ANKRD17: variants seen among roughly 807,000 people sequenced by gnomAD.
ANKRD17 encodes the protein ankyrin repeat domain-containing protein 17.
In ANKRD17, 19 loss-of-function variants were observed where a neutral mutation model predicts 229.7. That is an observed-to-expected ratio of 0.08 (90% CI 0.06 to 0.12). The LOEUF (loss-of-function observed/expected upper bound fraction) is 0.12. Among genes scored for constraint, ANKRD17 ranks in the 10% least tolerant of loss-of-function variants. The probability of loss-of-function intolerance (pLI) is 1.00; values close to 1 mark genes in which losing one functional copy is unlikely to be tolerated. For missense variants in ANKRD17, 2,176 were observed against 3,176.8 expected, an observed-to-expected ratio of 0.68 and a Z score of 7.57; for synonymous variants, 1,112 against 1,146.1, an observed-to-expected ratio of 0.97 and a Z score of 0.60.
At chr4:73,141,870 T>A (rs1438351238) in intron 13 of ANKRD17, 27 bp from the exon 14 acceptor site, 1 of 1,563,070 alleles carries the variant, frequency 6.4e-7, no homozygotes, top group East Asian at 2.2e-5. Context: ...TAAGTGACTA[T>A]TAGTGTCCTA....
intron 24 of ANKRD17, chr4:73,103,862 G>C (rs1724296761): frequency 6.6e-6 from 1 of 150,848 alleles, no homozygotes; most frequent in African/African-American, 2.4e-5. Flanking sequence ...TTAGCAGCTG[G>C]GGGTTGTATA....
At position 73,146,954 on chromosome 4, in the gene ANKRD17, A is replaced by T. The variant is rs540266841; in HGVS notation, c.1760-81T>A. The T allele has an allele frequency of 4.4e-4, 507 of 1,156,278 alleles. 5 individuals carry two copies. In the South Asian group the frequency reaches 7.5e-3, roughly 17 times the overall value. 71.6% of individuals were successfully genotyped at this position (1,156,278 alleles called of 1,614,324 possible). A position where few individuals can be genotyped will look rare whatever the true frequency, so the allele number is the denominator to read the frequency against. ...TGACGAAAATAAAAACTTCTTCTAG[A>T]TAAGTCATACCTCCTCAAGTTAAAC... On this transcript the variant is annotated intron_variant, in intron 9 of 33. Transcript: ENST00000358602.
Position 73,178,434 on chromosome 4 carries a change from A to C in ANKRD17, c.394-901T>G, listed in dbSNP as rs556113744. ...TCAAAAGGGGAGTTTTCATAAAATG[A>C]ATAATTTTATCGCTTCATCAAGAAT... On this transcript the variant is annotated intron_variant, in intron 1 of 33. Coordinates refer to ENST00000358602, the MANE Select transcript of ANKRD17 (RefSeq NM_032217.5). 4.6e-5 allele frequency among the ~76,000 whole-genome samples: 7 copies of C among 152,294 alleles called. No individual in the cohort carries two copies. The East Asian group carries it at 1.2e-3, about 25-fold the overall frequency.
chr4:73,236,486 T>C (rs1743523269), intron 1 of ANKRD17, among the ~76,000 whole-genome samples: 1 of 152,172 alleles, frequency 6.6e-6, no homozygotes, highest in African/African-American at 2.4e-5. Flanking sequence ...TCATATTGTA[T>C]GGTTCACACC....
chr4:73,093,513 G>A (rs755779929), intron 28 of ANKRD17, among the ~76,000 whole-genome samples: 1 of 151,522 alleles, frequency 6.6e-6, no homozygotes, highest in Non-Finnish European at 1.5e-5. Context: ...GAGTAGCTGA[G>A]ATTACAAGCA....
intron 2 of ANKRD17, among the ~76,000 whole-genome samples, chr4:73,176,230 C>T (rs768599824): frequency 4.8e-4 from 73 of 151,954 alleles, no homozygotes; most frequent in African/African-American, 1.0e-3. Context: ...ATCAGAAAAA[C>T]GCAAATCAAA....
intron 3 of ANKRD17, among the ~76,000 whole-genome samples, chr4:73,159,152 T>G (rs191690414): frequency 2.6e-4 from 39 of 152,350 alleles, no homozygotes; most frequent in Admixed American, 2.0e-3. Context: ...CTAAATAAAT[T>G]TGTCTTTTAA....
chr4:73,103,025 A>C (rs924283238), intron 24 of ANKRD17, among the ~76,000 whole-genome samples: 1 of 152,128 alleles, frequency 6.6e-6, no homozygotes, highest in Non-Finnish European at 1.5e-5. Flanking sequence ...GTCTATCTCT[A>C]GTGAAAAAAC....
chr4:73,091,634 A>G lies in ANKRD17; in HGVS notation c.5994T>C (p.Leu1998=). 6.2e-7 allele frequency: 1 copy of G among 1,614,220 alleles called. No homozygotes were observed. The highest frequency in any genetic ancestry group is 1.1e-5 in the South Asian group (1 of 91,076). Residue 1998 remains leucine (L), a synonymous_variant, in exon 29 of 34, where the codon CTT becomes CTC. Coordinates refer to ENST00000358602, the MANE Select transcript of ANKRD17 (RefSeq NM_032217.5). ...TGGATGTCTTCACAACTGTGACAAA[A>G]AGCTGCCTTCGGACAGAAGGTGAAC... ...SPSSPSVRRQ[L]FVTVVKTSNA...
intron 24 of ANKRD17, among the ~76,000 whole-genome samples, chr4:73,107,598 G>C (rs1724800015): frequency 6.6e-6 from 1 of 152,186 alleles, no homozygotes; most frequent in African/African-American, 2.4e-5. Context: ...AGGGTAATCA[G>C]TGTACCCCTC....
chr4:73,078,930 A>T (rs753417096), intron 30 of ANKRD17, 40 bp from the exon 31 acceptor site: 2 of 1,554,398 alleles, frequency 1.3e-6, no homozygotes, highest in Non-Finnish European at 1.7e-6. Context: ...CAGGTCATCT[A>T]TAGAACATGT....
intron 30 of ANKRD17, among the ~76,000 whole-genome samples, chr4:73,081,287 T>C (rs1169672575): frequency 6.6e-6 from 1 of 152,130 alleles, no homozygotes; most frequent in East Asian, 1.9e-4. Flanking sequence ...TGAAGAAGTT[T>C]AGGTGTAAAG....
At chr4:73,252,660 A>C (rs1243086075) in intron 1 of ANKRD17, among the ~76,000 whole-genome samples, 1 of 152,154 alleles carries the variant, frequency 6.6e-6, no homozygotes, top group African/African-American at 2.4e-5. Context: ...CCAAGTTAAC[A>C]ATCTCTATTT....
At position 73,161,251 on chromosome 4, in the gene ANKRD17, A is replaced by T; in HGVS notation, c.645T>A (p.Ala215=). The part of the protein sequence containing the change: ...TSSVSCALDE[A]AAALTRMRAE... ...CTCTCATACGGGTAAGTGCAGCAGCAGCTTCATCCAACGCACAACTAACAG... is the reference window on the plus strand; with the variant it reads ...CTCTCATACGGGTAAGTGCAGCAGCTGCTTCATCCAACGCACAACTAACAG... The change falls in exon 3 of 34, where the codon GCT becomes GCA. Residue 215 remains alanine, a synonymous_variant. Coordinates refer to ENST00000358602, the MANE Select transcript of ANKRD17 (RefSeq NM_032217.5). 6.2e-7 allele frequency: 1 copy of T among 1,614,246 alleles called. No individual in the cohort carries two copies. Among genetic ancestry groups the T allele is most frequent in the Non-Finnish European group, 8.5e-7 (1 of 1,180,050 alleles).
At chr4:73,183,019 T>A (rs1049955282) in intron 1 of ANKRD17, among the ~76,000 whole-genome samples, 2 of 152,154 alleles carry the variant, frequency 1.3e-5, no homozygotes, top group Non-Finnish European at 2.9e-5. Flanking sequence ...AGGTTGAGAA[T>A]CACTGGGTTA....
intron 3 of ANKRD17, 35 bp from the exon 4 acceptor site, chr4:73,156,201 A>G (rs761071626): frequency 6.5e-7 from 1 of 1,546,614 alleles, no homozygotes; most frequent in Non-Finnish European, 8.7e-7. Context: ...ACCAGAATAT[A>G]AGAATATTAA....
chr4:73,108,458 AG>A (rs970680866), intron 24 of ANKRD17, among the ~76,000 whole-genome samples: 15 of 152,222 alleles, frequency 9.9e-5, no homozygotes, highest in African/African-American at 3.6e-4. Flanking sequence ...ACAAGTCAAA[AG>A]GCTTTTCGCT....
chr4:73,079,841 G>A (rs564077329), intron 30 of ANKRD17, among the ~76,000 whole-genome samples: 113 of 152,250 alleles, frequency 7.4e-4, no homozygotes, highest in African/African-American at 2.3e-3. Context: ...TTGGCCGGGC[G>A]CGGTGGCACA....
chr4:73,178,357 T>G (rs1735005819), intron 1 of ANKRD17, among the ~76,000 whole-genome samples: 1 of 152,192 alleles, frequency 6.6e-6, no homozygotes, highest in South Asian at 2.1e-4. Context: ...CAAAAGTGCT[T>G]TATGTGTACT....
Sources: allele counts gnomAD v4.1 joint callset (sites outside exome capture counted in the v4.1 genomes callset), GRCh38; gene constraint gnomAD v4.1.1; transcripts MANE v1.5; gene names NCBI Gene and HGNC (gene_info 2026-07-23, HGNC 2026-07-21).